THRB: variants seen among roughly 807,000 people sequenced by gnomAD.
THRB encodes thyroid hormone receptor beta.
THRB carries 12 observed loss-of-function variants against 47.8 expected under a neutral mutation model. The ratio of observed to expected loss-of-function variants is 0.25; its 90% CI spans 0.16 to 0.41. The LOEUF (loss-of-function observed/expected upper bound fraction) is 0.41, where lower values mean the gene tolerates loss of function less well. Ranked by LOEUF, THRB falls within the 10% of genes least tolerant of loss-of-function variation. The pLI, the probability that THRB is intolerant of heterozygous loss-of-function variation, is 1.00. For synonymous variants in THRB, 218 were observed against 212.2 expected, an observed-to-expected ratio of 1.03 and a Z score of -0.24; for missense variants, 348 against 589.2, an observed-to-expected ratio of 0.59 and a Z score of 4.24.
intron 1 of THRB, among the ~76,000 whole-genome samples, chr3:24,474,083 C>T (rs1261911895): frequency 1.3e-5 from 2 of 152,166 alleles, no homozygotes; most frequent in Non-Finnish European, 2.9e-5. Context: ...ATGTTCTGCA[C>T]ATGTATCTCA....
intron 3 of THRB, among the ~76,000 whole-genome samples, chr3:24,283,083 T>C (rs1461432997): frequency 6.6e-6 from 1 of 151,276 alleles, no homozygotes; most frequent in Non-Finnish European, 1.5e-5. Context: ...ACTCATTTTA[T>C]GAGGCCAGCA....
intron 1 of THRB, among the ~76,000 whole-genome samples, chr3:24,451,970 C>T (rs1442929344): frequency 2.0e-5 from 3 of 152,142 alleles, no homozygotes; most frequent in Non-Finnish European, 4.4e-5. Context: ...AAGCCCCAAC[C>T]TCAAGTATGC....
intron 5 of THRB, among the ~76,000 whole-genome samples, chr3:24,181,056 C>T (rs959579383): frequency 6.6e-6 from 1 of 152,104 alleles, no homozygotes. Context: ...GTTTGGATAG[C>T]CTGAAGACTC....
intron 9 of THRB, among the ~76,000 whole-genome samples, chr3:24,132,956 C>A (rs759610513): frequency 6.6e-6 from 1 of 152,164 alleles, no homozygotes; most frequent in Non-Finnish European, 1.5e-5. Context: ...AGCAACCCTG[C>A]AAATCGGTTA....
chr3:24,349,161 C>G (rs1459770060), intron 1 of THRB, among the ~76,000 whole-genome samples: 1 of 151,892 alleles, frequency 6.6e-6, no homozygotes, highest in African/African-American at 2.4e-5. Context: ...TAAAAGATAT[C>G]CAAGACTTCT....
chr3:24,189,798 T>G (rs544233920), intron 5 of THRB, among the ~76,000 whole-genome samples: 1 of 152,290 alleles, frequency 6.6e-6, no homozygotes, highest in African/African-American at 2.4e-5. Context: ...AGCCAAAACT[T>G]ACAACCCCTC....
intron 1 of THRB, among the ~76,000 whole-genome samples, chr3:24,488,133 A>G (rs2125933734): frequency 6.6e-6 from 1 of 152,332 alleles, no homozygotes; most frequent in Non-Finnish European, 1.5e-5. Context: ...TATATTCCCT[A>G]ATAAAGAAGA....
chr3:24,465,145 T>C (rs940104637), intron 1 of THRB, among the ~76,000 whole-genome samples: 6 of 152,184 alleles, frequency 3.9e-5, no homozygotes, highest in Non-Finnish European at 7.3e-5. Flanking sequence ...GTTAGCTCAG[T>C]CTTCTTTATC....
intron 2 of THRB, among the ~76,000 whole-genome samples, chr3:24,316,809 A>C (rs1204706178): frequency 6.6e-6 from 1 of 151,904 alleles, no homozygotes; most frequent in African/African-American, 2.4e-5. Flanking sequence ...ACACCTTAAA[A>C]CATCCTCCAC....
At chr3:24,209,166 A>T (rs1170368572) in intron 4 of THRB, among the ~76,000 whole-genome samples, 2 of 152,232 alleles carry the variant, frequency 1.3e-5, no homozygotes, top group African/African-American at 4.8e-5. Flanking sequence ...AATGGCGATC[A>T]TTAAAAGGTC....
chr3:24,360,573 A>T (rs966597285), intron 1 of THRB, among the ~76,000 whole-genome samples: 7 of 152,180 alleles, frequency 4.6e-5, no homozygotes, highest in Admixed American at 2.0e-4. Flanking sequence ...ACAACTTTTT[A>T]AAAATGCTAA....
intron 1 of THRB, among the ~76,000 whole-genome samples, chr3:24,470,980 C>A (rs1190947096): frequency 1.3e-5 from 2 of 152,248 alleles, no homozygotes; most frequent in Admixed American, 1.3e-4. Flanking sequence ...TGCCACACAT[C>A]TCTGAAGTTT....
At chr3:24,324,454 C>T (rs1392470903) in intron 2 of THRB, among the ~76,000 whole-genome samples, 1 of 152,138 alleles carries the variant, frequency 6.6e-6, no homozygotes, top group Non-Finnish European at 1.5e-5. Context: ...AAATAAACAG[C>T]TCCTTTCCTT....
intron 1 of THRB, among the ~76,000 whole-genome samples, chr3:24,454,859 G>T (rs1015896523): frequency 2.0e-5 from 3 of 152,066 alleles, no homozygotes; most frequent in Admixed American, 1.3e-4. Flanking sequence ...TCCTTTCCAC[G>T]ATCACAAAGA....
At chr3:24,352,333 A>C (rs2063409328) in intron 1 of THRB, among the ~76,000 whole-genome samples, 1 of 152,170 alleles carries the variant, frequency 6.6e-6, no homozygotes, top group South Asian at 2.1e-4. Context: ...AACCAAAGAA[A>C]CGAAAACATG....
Position 24,389,468 on chromosome 3 carries a change from C to T in THRB, c.-260-52097G>A, listed in dbSNP as rs180859163. 6.5e-3 allele frequency among the ~76,000 whole-genome samples: 988 copies of T among 152,260 alleles called. 14 individuals are homozygous for T. The highest frequency in any genetic ancestry group is 0.022 in the African/African-American group (914 of 41,554). On this transcript the variant is annotated intron_variant, in intron 1 of 10. Transcript: ENST00000646209. ...TTCACCTTTTATTATTATAGCAACG[C>T]TTTAAGAAAGAAATGTAGTTAAGGT...
intron 3 of THRB, among the ~76,000 whole-genome samples, chr3:24,257,324 A>G (rs775649099): frequency 1.3e-4 from 20 of 152,182 alleles, no homozygotes; most frequent in Non-Finnish European, 2.5e-4. Context: ...CTGGGAACCA[A>G]CAAGTCCAGA....
chr3:24,435,205 G>C (rs2125326537), intron 1 of THRB, among the ~76,000 whole-genome samples: 1 of 152,270 alleles, frequency 6.6e-6, no homozygotes, highest in East Asian at 1.9e-4. Context: ...GAAAAACAAG[G>C]ATGGAGGAAG....
intron 3 of THRB, among the ~76,000 whole-genome samples, chr3:24,259,062 A>C (rs888477717): frequency 2.0e-5 from 3 of 152,102 alleles, no homozygotes; most frequent in African/African-American, 7.2e-5. Context: ...TCGTGCCCCC[A>C]CTGCAGACCC....
Sources: allele counts gnomAD v4.1 joint callset (sites outside exome capture counted in the v4.1 genomes callset), GRCh38; gene constraint gnomAD v4.1.1; transcripts MANE v1.5; gene names NCBI Gene and HGNC (gene_info 2026-07-23, HGNC 2026-07-21).